The following RPS12 variants were observed in gnomAD, a reference collection of about 807,000 sequenced individuals.
RPS12 encodes small ribosomal subunit protein eS12.
Under a neutral mutation model 17.2 loss-of-function variants are expected in RPS12, and 1 was observed. The observed-to-expected ratio is 0.06, with a 90% CI of 0.02 to 0.28. The LOEUF is 0.28. Ranked by LOEUF, RPS12 falls within the 10% of genes least tolerant of loss-of-function variation. The pLI is 1.00. For synonymous variants in RPS12, 67 were observed against 54.0 expected, an observed-to-expected ratio of 1.24 and a Z score of -1.06; for missense variants, 146 against 162.1, an observed-to-expected ratio of 0.90 and a Z score of 0.54.
chr6:132,815,672 A>C (rs755532731), intron 3 of RPS12: 1 of 456,750 alleles, frequency 2.2e-6, no homozygotes, highest in South Asian at 1.5e-5. Flanking sequence ...TTAAGGTTTT[A>C]CAGGACAAGT....
At chr6:132,815,641 G>C (rs1295601393) in intron 3 of RPS12, 1 of 456,658 alleles carries the variant, frequency 2.2e-6, no homozygotes, top group Admixed American at 2.3e-5. Flanking sequence ...ACCTACTCTT[G>C]AGCTGAATTT....
intron 3 of RPS12, chr6:132,815,874 G>A (rs1424041145): frequency 4.7e-6 from 2 of 427,920 alleles, no homozygotes; most frequent in Non-Finnish European, 9.1e-6. Flanking sequence ...AAAGAGTCTT[G>A]CTCTGTCCCC....
Position 132,814,997 on chromosome 6 carries a change from G to A in RPS12, c.40G>A (p.Val14Ile), listed in dbSNP as rs150874851. ...EGIAAGGVMD[V>I]NTALQEVLKT... ...CATTGCTGCTGGAGGTGTAATGGAC[G>A]TTAATACTGCTTTACAAGAGGTTCT... is the stretch of plus-strand genomic sequence containing the variant. The change falls in exon 3 of 6, where the codon GTT (valine) becomes ATT (isoleucine). Residue 14 changes from valine to isoleucine, a missense_variant. By Grantham distance (29) the Val-to-Ile change is conservative. Around this residue, in one of 2 missense-constraint regions of RPS12, gnomAD observed 117 missense variants for 104.6 expected, o/e 1.12. Coordinates refer to ENST00000230050, the MANE Select transcript of RPS12 (RefSeq NM_001016.4). 3.9e-5 allele frequency: 63 copies of A among 1,612,290 alleles called. No individual in the cohort carries two copies. The African/African-American group carries it at 6.4e-4, about 16-fold the overall frequency.
intron 3 of RPS12, chr6:132,815,846 C>CTTTTTTTTT: frequency 2.6e-6 from 1 of 379,952 alleles, no homozygotes; most frequent in African/African-American, 2.3e-5. Context: ...TTTCTTTTTT[C>CTTTTTTTTT]TTTTTTTTTT....
chr6:132,815,524 A>G (rs544991851), intron 3 of RPS12: 6 of 414,906 alleles, frequency 1.4e-5, no homozygotes, highest in South Asian at 1.0e-4. Context: ...GTCCTAGATG[A>G]ATTTAGTAGT....
rs771510527 is a variant in RPS12, at chr6:132,815,068, A to T, written c.111A>T (p.Glu37Asp). Residue 37 changes from glutamate (E) to aspartate (D), a missense_variant, in exon 3 of 6, where the codon GAA becomes GAT. Transcript: ENST00000230050. Reference sequence around the variant, plus strand: ...ATGGCCTAGCACGTGGAATTCGCGAAGCTGCCAAAGCCTTAGACAAGTACG... The same window carrying T: ...ATGGCCTAGCACGTGGAATTCGCGATGCTGCCAAAGCCTTAGACAAGTACG... The part of the protein sequence containing the change: ...IHDGLARGIR[E>D]AAKALDKRQA... 2.5e-5 allele frequency: 40 copies of T among 1,611,886 alleles called. No individual in the cohort carries two copies. The highest frequency in any genetic ancestry group is 3.4e-5 in the Non-Finnish European group (40 of 1,177,956).
chr6:132,816,056 A>T (rs1157070601), intron 3 of RPS12: 3 of 384,150 alleles, frequency 7.8e-6, no homozygotes, highest in Admixed American at 3.2e-5. Context: ...CTGGTCTGGT[A>T]CTCCTGACCT....
At chr6:132,816,643 T>C in intron 4 of RPS12, 80 bp downstream of exon 4, 1 of 971,636 alleles carries the variant, frequency 1.0e-6, no homozygotes, top group Admixed American at 1.7e-5. Flanking sequence ...AGTCTCAAGC[T>C]GTTCATTTTG....
chr6:132,815,513 G>A (rs1782028788), intron 3 of RPS12: 1 of 405,810 alleles, frequency 2.5e-6, no homozygotes, highest in Non-Finnish European at 4.9e-6. Context: ...AGAAGCATTT[G>A]GTCCTAGATG....
At chr6:132,815,426 A>G (rs1380398079) in intron 3 of RPS12, 3 of 521,810 alleles carry the variant, frequency 5.7e-6, no homozygotes. Context: ...TGGCAGATAG[A>G]TGAGATGGAG....
Position 132,814,607 on chromosome 6 carries a change from G to T in RPS12, c.-44G>T, listed in dbSNP as rs192215865. 6 of 885,960 alleles carry T rather than the reference G, an allele frequency of 6.8e-6. No homozygotes were observed. The highest frequency in any genetic ancestry group is 4.8e-5 in the East Asian group (2 of 41,630). The allele number at this position is 885,960 out of a possible 1,614,324, so 54.9% of individuals were successfully genotyped here. A position where few individuals can be genotyped will look rare whatever the true frequency, so the allele number is the denominator to read the frequency against. The stretch of plus-strand genomic sequence containing the variant: ...GCCGCCGAGTCGCGCGGAGGCGGAG[G>T]CTTGGGGTAAGTTGAGCGAGGCGGC... On this transcript the variant is annotated 5_prime_UTR_variant, in exon 1 of 6. Transcript: ENST00000230050.
chr6:132,815,817 A>T, intron 3 of RPS12: 1 of 445,212 alleles, frequency 2.2e-6, no homozygotes, highest in Non-Finnish European at 4.5e-6. Flanking sequence ...CTGTTCCATT[A>T]ATGCCACAGT....
Position 132,816,992 on chromosome 6 carries a change from A to G in RPS12, c.267A>G (p.Val89=), listed in dbSNP as rs771191139. 10 of 1,609,274 alleles carry G rather than the reference A, an allele frequency of 6.2e-6. No individual in the cohort carries two copies. Among genetic ancestry groups the G allele is most frequent in the Non-Finnish European group, 8.5e-6 (10 of 1,175,958 alleles). Residue 89 remains valine, a synonymous_variant, in exon 5 of 6, where the codon GTA becomes GTG. Transcript: ENST00000230050. Reference sequence around the variant, plus strand: ...ACAACAAGAAACTAGGAGAATGGGTAGGCCTTTGTAAAATTGACAGAGAGG... The same window carrying G: ...ACAACAAGAAACTAGGAGAATGGGTGGGCCTTTGTAAAATTGACAGAGAGG... ...VDDNKKLGEW[V]GLCKIDREGK...
In RPS12 at chr6:132,814,851, A is replaced by T. The variant is rs1582886097; in HGVS notation, c.14+69A>T. The T allele has an allele frequency of 7.3e-6, 11 of 1,502,948 alleles. No homozygotes were observed. The East Asian group carries it at 2.5e-4, about 34-fold the overall frequency. The allele number at this position is 1,502,948 out of a possible 1,614,324, so 93.1% of individuals were successfully genotyped here. A position where few individuals can be genotyped will look rare whatever the true frequency, so the allele number is the denominator to read the frequency against. On this transcript the variant is annotated intron_variant, in intron 2 of 5. Transcript: ENST00000230050. ...TGAGGCGTGGGGCTAGAGCTGGCGG[A>T]ACAGGACTGGGTCAAACGGGTCGCC...
intron 3 of RPS12, chr6:132,815,386 GT>G (rs776277672): frequency 1.7e-6 from 1 of 585,644 alleles, no homozygotes; most frequent in Non-Finnish European, 3.3e-6. Flanking sequence ...AAACCTGTAG[GT>G]TGTGGAGCTA....
At chr6:132,815,301 T>TA (rs745933233) in intron 3 of RPS12, 37 of 730,800 alleles carry the variant, frequency 5.1e-5, no homozygotes, top group Non-Finnish European at 8.3e-5. Flanking sequence ...CACTCAAAAC[T>TA]ACAGTGTTTG....
In RPS12 at chr6:132,816,908, T is replaced by G. The variant is rs1348768752; in HGVS notation, c.235-52T>G. 3.4e-6 allele frequency: 4 copies of G among 1,172,484 alleles called. No individual in the cohort carries two copies. In the Middle Eastern group the frequency reaches 5.7e-4, roughly 167 times the overall value. The allele number at this position is 1,172,484 out of a possible 1,614,324, so 72.6% of individuals were successfully genotyped here. A position where few individuals can be genotyped will look rare whatever the true frequency, so the allele number is the denominator to read the frequency against. ...TTTGGGTTTCATTTAATTTTGGTAGTGTTAATGTCTATTAATGTGATTTTT... is the reference window on the plus strand; with the variant it reads ...TTTGGGTTTCATTTAATTTTGGTAGGGTTAATGTCTATTAATGTGATTTTT... On this transcript the variant is annotated intron_variant, in intron 4 of 5. Coordinates refer to ENST00000230050, the MANE Select transcript of RPS12 (RefSeq NM_001016.4).
rs142936473 is a variant in RPS12 at position 132,816,956 on chromosome 6, A to C, written c.235-4A>C. 6.3e-7 allele frequency: 1 copy of C among 1,579,844 alleles called. No homozygotes were observed. Among genetic ancestry groups the C allele is most frequent in the Non-Finnish European group, 8.7e-7 (1 of 1,149,164 alleles). On this transcript the variant is annotated splice_polypyrimidine_tract_variant and splice_region_variant and intron_variant, in intron 4 of 5. Transcript: ENST00000230050. ...TTTTTTTTTTTTAACCTTTCTCCCA[A>C]TAGGTTGATGACAACAAGAAACTAG...
In RPS12 at chr6:132,815,088, A is replaced by T; in HGVS notation, c.131A>T (p.Lys44Met). The part of the protein sequence containing the change: ...GIREAAKALD[K>M]RQAHLCVLAS... ...CGCGAAGCTGCCAAAGCCTTAGACA[A>T]GTACGTGTATCAGTCTCAATACTGT... is the stretch of plus-strand genomic sequence containing the variant. Residue 44 changes from lysine (K) to methionine (M), a missense_variant and splice_region_variant, in exon 3 of 6, where the codon AAG becomes ATG. Lys to Met is a moderately conservative substitution (Grantham distance 95). Around this residue, in one of 2 missense-constraint regions of RPS12, gnomAD observed 117 missense variants for 104.6 expected, o/e 1.12. Coordinates refer to ENST00000230050, the MANE Select transcript of RPS12 (RefSeq NM_001016.4). The T allele has an allele frequency of 6.3e-7, 1 of 1,587,464 alleles. No homozygotes were observed. The highest frequency in any genetic ancestry group is 8.7e-7 in the Non-Finnish European group (1 of 1,155,732).
Sources: allele counts gnomAD v4.1 joint callset, GRCh38; gene constraint gnomAD v4.1.1; regional missense constraint gnomAD v4.1.1; transcripts MANE v1.5; gene names NCBI Gene and HGNC (gene_info 2026-07-23, HGNC 2026-07-21).